Variants in PLD1 observed in about 807,000 individuals in gnomAD.
PLD1 encodes choline phosphatase 1.
Under a neutral mutation model 137.1 loss-of-function variants are expected in PLD1, and 112 were observed. That is an observed-to-expected ratio of 0.82 (90% CI 0.70 to 0.96). The LOEUF is 0.96. PLD1 is among the 40% of genes least tolerant of loss of function. The probability of loss-of-function intolerance (pLI) is 0.00; values close to 1 mark genes in which losing one functional copy is unlikely to be tolerated. For synonymous variants in PLD1, 431 were observed against 454.7 expected, an observed-to-expected ratio of 0.95 and a Z score of 0.66; for missense variants, 1,321 against 1,342.0, an observed-to-expected ratio of 0.98 and a Z score of 0.24.
At chr3:171,685,856 C>T (rs1199222852) in intron 16 of PLD1, among the ~76,000 whole-genome samples, 1 of 152,174 alleles carries the variant, frequency 6.6e-6, no homozygotes, top group Non-Finnish European at 1.5e-5. Context: ...CGGTGGCTCA[C>T]ACCTGTAATC....
intron 1 of PLD1, among the ~76,000 whole-genome samples, chr3:171,807,722 G>GTA (rs1210946408): frequency 6.6e-6 from 1 of 152,174 alleles, no homozygotes; most frequent in Non-Finnish European, 1.5e-5. Flanking sequence ...CCATTACTGG[G>GTA]TATATATCCA....
intron 1 of PLD1, among the ~76,000 whole-genome samples, chr3:171,749,666 T>C (rs1483312107): frequency 6.6e-6 from 1 of 152,212 alleles, no homozygotes; most frequent in African/African-American, 2.4e-5. Context: ...CATGTCAACT[T>C]GAGTGACTAA....
At position 171,612,258 on chromosome 3, in the gene PLD1, G is replaced by A. The variant is rs778515278; in HGVS notation, c.2882+21C>T. ...TGCTGCAGTGGAAATGCATCAGAGA[G>A]ACACACTTTGGCGGACTGACCTAAA... On this transcript the variant is annotated intron_variant, in intron 25 of 26. Transcript: ENST00000351298. This position sits in a 1 kb window ranked among gnomAD's most constrained non-coding sequence, Gnocchi z 4.1. The A allele has an allele frequency of 5.0e-6, 8 of 1,610,924 alleles. No individual in the cohort carries two copies. The South Asian group carries it at 7.7e-5, about 16-fold the overall frequency.
At position 171,612,698 on chromosome 3, in the gene PLD1, G is replaced by T. The variant is rs997713900; in HGVS notation, c.2729-266C>A. On this transcript the variant is annotated intron_variant, in intron 24 of 26. Transcript: ENST00000351298. This position sits in a 1 kb window ranked among gnomAD's most constrained non-coding sequence, Gnocchi z 4.1. ...ATGGTGCTAGCCAATGTGACATGAA[G>T]GAAAGCTTCTGAGAAAGAGTTTCCC... is the stretch of plus-strand genomic sequence containing the variant. 6.6e-6 allele frequency among the ~76,000 whole-genome samples: 1 copy of T among 152,150 alleles called. No homozygotes were observed. Among genetic ancestry groups the T allele is most frequent in the African/African-American group, 2.4e-5 (1 of 41,430 alleles).
chr3:171,738,979 C>T (rs1719582185), intron 1 of PLD1, among the ~76,000 whole-genome samples: 5 of 152,178 alleles, frequency 3.3e-5, no homozygotes, highest in Admixed American at 2.6e-4. Flanking sequence ...ATACCAGTAA[C>T]TCTTTGGCAC....
intron 9 of PLD1, among the ~76,000 whole-genome samples, chr3:171,711,167 CTTTTTTTTTTTT>C (rs562934959): frequency 0.04 from 3,796 of 94,850 alleles, 159 homozygotes; most frequent in African/African-American, 0.13. Context: ...CTGTGCCAGC[CTTTTTTTTTTTT>C]TTTTTTTTTT....
chr3:171,738,125 A>G, intron 1 of PLD1, 43 bp from the exon 2 acceptor site: 1 of 1,177,694 alleles, frequency 8.5e-7, no homozygotes, highest in Non-Finnish European at 1.2e-6. Context: ...GCATTTTGAT[A>G]ACATAAAATG....
chr3:171,773,016 T>G (rs1430241894), intron 1 of PLD1, among the ~76,000 whole-genome samples: 1 of 152,150 alleles, frequency 6.6e-6, no homozygotes, highest in Non-Finnish European at 1.5e-5. Flanking sequence ...GGAAGAAATA[T>G]GAATAAATCC....
intron 1 of PLD1, among the ~76,000 whole-genome samples, chr3:171,771,991 T>C (rs1722380576): frequency 1.3e-5 from 2 of 152,240 alleles, no homozygotes; most frequent in Non-Finnish European, 2.9e-5. Flanking sequence ...TTAACATGGA[T>C]CTTTAAGCTG....
In PLD1 at chr3:171,600,703, T is replaced by A. The variant is rs1206048364; in HGVS notation, c.*2375A>T. ...AGCAATTATTGCACTGAATTTTCCATAAAATCCCTCCAAGTAAATCTTATC... is the reference window on the plus strand; with the variant it reads ...AGCAATTATTGCACTGAATTTTCCAAAAAATCCCTCCAAGTAAATCTTATC... On this transcript the variant is annotated 3_prime_UTR_variant, in exon 27 of 27. Coordinates refer to ENST00000351298, the MANE Select transcript of PLD1 (RefSeq NM_002662.5). The A allele has an allele frequency of 1.3e-5, 2 of 149,748 alleles. No individual in the cohort carries two copies. The highest frequency in any genetic ancestry group is 2.5e-5 in the African/African-American group (1 of 40,814). The allele number at this position is 149,748 out of a possible 1,614,324, so 9.3% of individuals were successfully genotyped here. A position where few individuals can be genotyped will look rare whatever the true frequency, so the allele number is the denominator to read the frequency against.
At chr3:171,706,124 G>GTCTA (rs59943551) in intron 11 of PLD1, among the ~76,000 whole-genome samples, 59,092 of 146,654 alleles carry the variant, frequency 0.4, 11,778 homozygotes, top group East Asian at 0.5. Context: ...GGGTCAGTCA[G>GTCTA]TCTATCTATC....
chr3:171,627,716 C>A (rs1314098914), intron 23 of PLD1, among the ~76,000 whole-genome samples: 3 of 152,218 alleles, frequency 2.0e-5, no homozygotes, highest in South Asian at 2.1e-4. Context: ...TCACTCAAAA[C>A]TGCTCAACTA....
At chr3:171,712,876 A>T (rs1717381086) in intron 9 of PLD1, among the ~76,000 whole-genome samples, 1 of 152,212 alleles carries the variant, frequency 6.6e-6, no homozygotes, top group Admixed American at 6.5e-5. Context: ...TAAATGTTCC[A>T]TTCTCATAGA....
intron 13 of PLD1, among the ~76,000 whole-genome samples, chr3:171,689,081 C>T (rs746280596): frequency 6.6e-6 from 1 of 151,966 alleles, no homozygotes; most frequent in Non-Finnish European, 1.5e-5. Flanking sequence ...ACTCTTCAAG[C>T]TCCCACGCCC....
chr3:171,711,189 T>G (rs35848779), intron 9 of PLD1, among the ~76,000 whole-genome samples: 878 of 87,516 alleles, frequency 0.01, 5 homozygotes, highest in Non-Finnish European at 0.015. Flanking sequence ...TTTTTTTTTT[T>G]GAAATGGAGT....
chr3:171,622,229 T>C (rs567185922), intron 23 of PLD1, among the ~76,000 whole-genome samples: 2 of 152,326 alleles, frequency 1.3e-5, no homozygotes, highest in South Asian at 2.1e-4. Context: ...AACAATATAG[T>C]AGACCAGTGG....
At chr3:171,683,654 C>T (rs1277547805) in intron 16 of PLD1, among the ~76,000 whole-genome samples, 8 of 152,186 alleles carry the variant, frequency 5.3e-5, no homozygotes, top group African/African-American at 1.9e-4. Context: ...TATGCTCTTC[C>T]TCCCGGATCA....
intron 24 of PLD1, among the ~76,000 whole-genome samples, chr3:171,619,795 A>G (rs898090278): frequency 6.6e-6 from 1 of 152,118 alleles, no homozygotes; most frequent in Non-Finnish European, 1.5e-5. Context: ...AAATAAAAAT[A>G]AGGGGATAGC....
At chr3:171,769,707 A>C (rs942959350) in intron 1 of PLD1, among the ~76,000 whole-genome samples, 2 of 152,214 alleles carry the variant, frequency 1.3e-5, no homozygotes, top group Admixed American at 1.3e-4. Context: ...ACTGATGGGG[A>C]AAGGGATCCT....
Sources: allele counts gnomAD v4.1 joint callset (sites outside exome capture counted in the v4.1 genomes callset), GRCh38; gene constraint gnomAD v4.1.1; non-coding constraint Gnocchi (gnomAD v3.1); transcripts MANE v1.5; gene names NCBI Gene and HGNC (gene_info 2026-07-23, HGNC 2026-07-21).